Variants in DTNB observed in about 807,000 individuals in gnomAD.
DTNB encodes DTN-B.
Under a neutral mutation model 90.7 loss-of-function variants are expected in DTNB, and 63 were observed. That is an observed-to-expected ratio of 0.69 (90% CI 0.57 to 0.86). The LOEUF (loss-of-function observed/expected upper bound fraction) is 0.86, where lower values mean the gene tolerates loss of function less well. Ranked by LOEUF, DTNB falls within the 40% of genes least tolerant of loss-of-function variation. The pLI, the probability that DTNB is intolerant of heterozygous loss-of-function variation, is 0.00. For synonymous variants in DTNB, 277 were observed against 286.7 expected (o/e 0.97, Z 0.34); for missense variants, 744 against 807.1 (o/e 0.92, Z 0.95).
At chr2:25,420,010 T>C (rs538713830) in intron 15 of DTNB, among the ~76,000 whole-genome samples, 3 of 152,282 alleles carry the variant, frequency 2.0e-5, no homozygotes, top group African/African-American at 7.2e-5. Context: ...AGCATCGGCA[T>C]CACCTGGGAA....
At chr2:25,662,506 G>A (rs897165320) in intron 1 of DTNB, among the ~76,000 whole-genome samples, 1 of 152,096 alleles carries the variant, frequency 6.6e-6, no homozygotes, top group Non-Finnish European at 1.5e-5. Context: ...TGATGTGAAC[G>A]AGGTACCTGG....
intron 11 of DTNB, among the ~76,000 whole-genome samples, chr2:25,455,009 T>C (rs959879537): frequency 6.6e-6 from 1 of 152,188 alleles, no homozygotes; most frequent in Non-Finnish European, 1.5e-5. Context: ...CAAAGTGGGA[T>C]ATCTGTGGGT....
intron 2 of DTNB, among the ~76,000 whole-genome samples, chr2:25,643,726 T>G (rs1216836455): frequency 6.6e-6 from 1 of 152,210 alleles, no homozygotes; most frequent in East Asian, 1.9e-4. Flanking sequence ...CCATGGGTTT[T>G]GAGGGAGGTG....
chr2:25,467,837 G>T (rs2062077479), intron 10 of DTNB, among the ~76,000 whole-genome samples: 1 of 152,086 alleles, frequency 6.6e-6, no homozygotes, highest in South Asian at 2.1e-4. Flanking sequence ...AGGCCATAAG[G>T]TTTCTGTTGC....
intron 10 of DTNB, among the ~76,000 whole-genome samples, chr2:25,464,263 G>A (rs1370372611): frequency 6.6e-6 from 1 of 152,086 alleles, no homozygotes; most frequent in Non-Finnish European, 1.5e-5. Flanking sequence ...GGCTCCCTAG[G>A]AAAATGCAAT....
At chr2:25,489,564 T>G (rs1188439509) in intron 9 of DTNB, among the ~76,000 whole-genome samples, 2 of 152,042 alleles carry the variant, frequency 1.3e-5, no homozygotes, top group African/African-American at 4.8e-5. Context: ...CCACCTACAG[T>G]CCCAGTTATG....
intron 1 of DTNB, among the ~76,000 whole-genome samples, chr2:25,655,337 G>A (rs796083695): frequency 2.6e-5 from 4 of 152,310 alleles, no homozygotes; most frequent in African/African-American, 9.6e-5. Flanking sequence ...CCCTCCTGGA[G>A]ATATGTGCCT....
chr2:25,665,393 G>T (rs1480446955), intron 1 of DTNB, among the ~76,000 whole-genome samples: 1 of 152,188 alleles, frequency 6.6e-6, no homozygotes, highest in African/African-American at 2.4e-5. Flanking sequence ...TTGGGAGGCT[G>T]AGGCGGGTGG....
At chr2:25,471,148 G>A (rs188484346) in intron 10 of DTNB, among the ~76,000 whole-genome samples, 6 of 152,310 alleles carry the variant, frequency 3.9e-5, no homozygotes, top group Admixed American at 3.3e-4. Context: ...CCATGAGGGC[G>A]TGTGAGAGAG....
chr2:25,496,957 C>T (rs2069042999), intron 9 of DTNB, among the ~76,000 whole-genome samples: 1 of 152,114 alleles, frequency 6.6e-6, no homozygotes, highest in South Asian at 2.1e-4. Context: ...TAGCCCAGTG[C>T]TTAAGGTGGC....
At chr2:25,638,974 C>T (rs2077651914) in intron 3 of DTNB, 40 bp downstream of exon 3, 1 of 1,501,904 alleles carries the variant, frequency 6.7e-7, no homozygotes, top group South Asian at 1.3e-5. Flanking sequence ...ATATTGAGAA[C>T]TCTATCCAGC....
chr2:25,462,176 T>C (rs2061054991), intron 10 of DTNB, among the ~76,000 whole-genome samples: 1 of 152,202 alleles, frequency 6.6e-6, no homozygotes, highest in South Asian at 2.1e-4. Context: ...GCTAGCTGCA[T>C]TCCAGTGTGA....
At chr2:25,564,314 C>T (rs559766122) in intron 8 of DTNB, among the ~76,000 whole-genome samples, 1 of 152,270 alleles carries the variant, frequency 6.6e-6, no homozygotes, top group Admixed American at 6.5e-5. Flanking sequence ...GGAGTACTGT[C>T]ATTTTAAATG....
At chr2:25,410,653 G>T (rs1246248500) in intron 16 of DTNB, among the ~76,000 whole-genome samples, 1 of 152,142 alleles carries the variant, frequency 6.6e-6, no homozygotes, top group Non-Finnish European at 1.5e-5. Flanking sequence ...GGTCCCCAGA[G>T]ACACAGGTAT....
chr2:25,529,504 A>C (rs951072809), intron 9 of DTNB, among the ~76,000 whole-genome samples: 3 of 152,132 alleles, frequency 2.0e-5, no homozygotes, highest in Admixed American at 2.0e-4. Context: ...AACAGATTTA[A>C]CAAAAAAAAA....
At chr2:25,627,986 T>G (rs1017365857) in intron 4 of DTNB, among the ~76,000 whole-genome samples, 185 bp downstream of exon 4, 1 of 152,172 alleles carries the variant, frequency 6.6e-6, no homozygotes, top group South Asian at 2.1e-4. Flanking sequence ...TTTGCCCTCC[T>G]TGGCCTCCCA....
At chr2:25,433,119 T>C in intron 13 of DTNB, 120 bp from the exon 14 acceptor site, 1 of 986,264 alleles carries the variant, frequency 1.0e-6, no homozygotes. Context: ...TTTTGATTGC[T>C]TCCAAATGGC....
intron 1 of DTNB, among the ~76,000 whole-genome samples, chr2:25,657,301 A>C (rs1397473831): frequency 6.6e-6 from 1 of 151,998 alleles, no homozygotes; most frequent in Non-Finnish European, 1.5e-5. Flanking sequence ...AAAAAAAAAT[A>C]GTTAGATTTT....
intron 8 of DTNB, among the ~76,000 whole-genome samples, chr2:25,563,759 A>G (rs898326989): frequency 6.6e-6 from 1 of 152,236 alleles, no homozygotes; most frequent in African/African-American, 2.4e-5. Flanking sequence ...AATCGACAAC[A>G]ACAAATACAA....
Sources: gnomAD v4.1 joint callset for allele counts (sites outside exome capture counted in the v4.1 genomes callset) on GRCh38, gnomAD v4.1.1 for gene constraint, MANE v1.5 for transcripts, NCBI Gene and HGNC (gene_info 2026-07-23, HGNC 2026-07-21) for gene names.